The following TTC7A variants were observed in gnomAD, a reference collection of about 807,000 sequenced individuals.
The protein encoded by TTC7A is tetratricopeptide repeat domain 7A.
TTC7A carries 110 observed loss-of-function variants against 103.7 expected under a neutral mutation model. The observed-to-expected ratio is 1.06, with a 90% CI of 0.91 to 1.24. The LOEUF is 1.24. TTC7A is among the 50% of genes most tolerant of loss of function. The pLI, the probability that TTC7A is intolerant of heterozygous loss-of-function variation, is 0.00. For missense variants in TTC7A, 1,340 were observed against 1,116.3 expected (o/e 1.20, Z -2.86); for synonymous variants, 521 against 467.9 (o/e 1.11, Z -1.47).
At chr2:46,916,076 G>T, upstream of TTC7A, 1 of 985,522 alleles carries the variant, frequency 1.0e-6, no homozygotes, top group Non-Finnish European at 1.2e-6. Flanking sequence ...AAGCCCTCAG[G>T]AACGTAGTTC....
intron 3 of TTC7A, among the ~76,000 whole-genome samples, chr2:46,960,474 T>A (rs975399735): frequency 1.3e-5 from 2 of 152,184 alleles, no homozygotes; most frequent in African/African-American, 4.8e-5. Flanking sequence ...ATGTCTCTGA[T>A]GTATGTGCAT....
intron 3 of TTC7A, among the ~76,000 whole-genome samples, chr2:46,958,776 G>T (rs1288822336): frequency 6.6e-6 from 1 of 152,192 alleles, no homozygotes; most frequent in Non-Finnish European, 1.5e-5. Context: ...GCATGATGTT[G>T]ATCTGCCTGG....
At chr2:47,012,190 G>C (rs1414985215) in intron 11 of TTC7A, among the ~76,000 whole-genome samples, 1 of 152,226 alleles carries the variant, frequency 6.6e-6, no homozygotes, top group African/African-American at 2.4e-5. Context: ...CACGGCACTG[G>C]GCCCCAGCAA....
rs997844606 is a variant in TTC7A, at chr2:46,941,364, GTGCTGCTGCTGC to G, written c.-168_-157del. 1 of 381,138 alleles carries G rather than the reference GTGCTGCTGCTGC, an allele frequency of 2.6e-6. No individual in the cohort carries two copies. The highest frequency in any genetic ancestry group is 2.2e-5 in the African/African-American group (1 of 46,398). 23.6% of individuals were successfully genotyped at this position (381,138 alleles called of 1,614,324 possible). Reference sequence around the variant, plus strand: ...CCGGGCGGTGCGCTGGGAGCTGCTGGTGCTGCTGCTGCTGCTGCTGCCCACCCTCCGCCGCCC... The same window carrying G: ...CCGGGCGGTGCGCTGGGAGCTGCTGGTGCTGCTGCCCACCCTCCGCCGCCC... On this transcript the variant is annotated 5_prime_UTR_variant, in exon 1 of 20. Transcript: ENST00000319190. This position sits in a 1 kb window ranked among gnomAD's most constrained non-coding sequence, Gnocchi z 4.2.
At chr2:46,946,989 G>A (rs1671000829) in intron 1 of TTC7A, among the ~76,000 whole-genome samples, 1 of 152,282 alleles carries the variant, frequency 6.6e-6, no homozygotes, top group African/African-American at 2.4e-5. Context: ...AAAGCCTTCT[G>A]TGAAGGACCT....
chr2:47,073,843 G>A lies in TTC7A; in HGVS notation c.2497G>A (p.Val833Ile), dbSNP rs1195221566. The A allele has an allele frequency of 7.4e-6, 12 of 1,613,656 alleles. No homozygotes were observed. Among genetic ancestry groups the A allele is most frequent in the South Asian group, 3.3e-5 (3 of 91,078 alleles). ...LQAQGQNEAA[V>I]DCFLTALELE... Reference sequence around the variant, plus strand: ...GGCCCAGGGCCAGAACGAGGCTGCCGTTGACTGCTTCCTCACCGCCCTTGA... The same window carrying A: ...GGCCCAGGGCCAGAACGAGGCTGCCATTGACTGCTTCCTCACCGCCCTTGA... Residue 833 changes from valine (V) to isoleucine (I), a missense_variant, in exon 20 of 20, where the codon GTT becomes ATT. Physicochemically the swap from Val to Ile is conservative, Grantham distance 29. Transcript: ENST00000319190.
In TTC7A at chr2:47,055,649, GC is replaced by G. The variant is rs372183351; in HGVS notation, c.2152+3773del. Among the ~76,000 whole-genome samples the G allele has an allele frequency of 2.1e-3, 313 of 152,278 alleles. 1 individual carries two copies. Among genetic ancestry groups the G allele is most frequent in the African/African-American group, 7.2e-3 (301 of 41,556 alleles). On this transcript the variant is annotated intron_variant, in intron 18 of 19. Coordinates refer to ENST00000319190, the MANE Select transcript of TTC7A (RefSeq NM_020458.4). Reference sequence around the variant, plus strand: ...AGCAGGAGACGCATGTAGGGAGAGTGCCCCTACCCTGGAGGTCCAAGGGCTC... The same window carrying G: ...AGCAGGAGACGCATGTAGGGAGAGTGCCCTACCCTGGAGGTCCAAGGGCTC...
chr2:47,054,345 G>T (rs2104746730), intron 18 of TTC7A: 1 of 198,720 alleles, frequency 5.0e-6, no homozygotes, highest in Non-Finnish European at 9.0e-6. Context: ...GTCCAGGATG[G>T]CTCTCTGCCA....
chr2:46,919,190 A>G (rs1334515761), intron 2 of TTC7A, among the ~76,000 whole-genome samples: 3 of 152,390 alleles, frequency 2.0e-5, no homozygotes, highest in African/African-American at 4.8e-5. Flanking sequence ...TAAACTACAT[A>G]TTACTTATTT....
exon 2 of TTC7A, chr2:46,917,226 T>G (rs1405504647): frequency 8.6e-6 from 6 of 696,408 alleles, no homozygotes; most frequent in Non-Finnish European, 1.6e-5. Context: ...AACTCCTGGG[T>G]TCAAGCAATC....
chr2:46,970,912 C>T (rs1361211913), intron 3 of TTC7A, among the ~76,000 whole-genome samples: 1 of 152,258 alleles, frequency 6.6e-6, no homozygotes, highest in Admixed American at 6.5e-5. Flanking sequence ...GCCCGCTTTC[C>T]TCCAGGCCAA....
intron 16 of TTC7A, among the ~76,000 whole-genome samples, chr2:47,047,761 T>C (rs1371991476): frequency 1.3e-5 from 2 of 152,228 alleles, no homozygotes; most frequent in East Asian, 3.9e-4. Flanking sequence ...ATGCCTCCCT[T>C]GGAGCAGCAG....
chr2:46,969,175 C>G (rs1364882530), intron 3 of TTC7A, among the ~76,000 whole-genome samples: 1 of 150,110 alleles, frequency 6.7e-6, no homozygotes, highest in Non-Finnish European at 1.5e-5. Context: ...TTAAGTAATT[C>G]ATTTGTGTTA....
intron 1 of TTC7A, among the ~76,000 whole-genome samples, chr2:46,942,048 C>G (rs949891272): frequency 6.6e-6 from 1 of 152,192 alleles, no homozygotes; most frequent in African/African-American, 2.4e-5. Context: ...CCACCGCGGT[C>G]CGAGGGTGGG....
chr2:46,939,880 A>G (rs1278802590), upstream of TTC7A, among the ~76,000 whole-genome samples: 1 of 152,168 alleles, frequency 6.6e-6, no homozygotes, highest in Non-Finnish European at 1.5e-5. Context: ...AACTGTCTCT[A>G]AATTCCAACT....
intron 2 of TTC7A, chr2:46,951,697 C>G (rs1178211274): frequency 2.2e-6 from 1 of 455,764 alleles, no homozygotes; most frequent in South Asian, 1.6e-5. Context: ...AGGAGTGAGG[C>G]ACTGCGCCCA....
At chr2:46,995,645 A>G (rs1241813360) in intron 8 of TTC7A, among the ~76,000 whole-genome samples, 2 of 152,182 alleles carry the variant, frequency 1.3e-5, no homozygotes, top group African/African-American at 4.8e-5. Context: ...GGGGCACATC[A>G]CTTATTTTCT....
chr2:46,979,057 TCAGA>T (rs1471503370), intron 5 of TTC7A, 150 bp downstream of exon 5: 20 of 599,882 alleles, frequency 3.3e-5, no homozygotes, highest in Non-Finnish European at 5.3e-5. Flanking sequence ...TCACATCTTG[TCAGA>T]CAGGAGTGTG....
intron 4 of TTC7A, 73 bp from the exon 5 acceptor site, chr2:46,978,719 C>T (rs1039313353): frequency 1.0e-5 from 12 of 1,205,860 alleles, no homozygotes; most frequent in African/African-American, 4.5e-5. Flanking sequence ...GTGATGAGGC[C>T]ACCTCCTCTT....
Sources: allele counts gnomAD v4.1 joint callset (sites outside exome capture counted in the v4.1 genomes callset), GRCh38; gene constraint gnomAD v4.1.1; non-coding constraint Gnocchi (gnomAD v3.1); transcripts MANE v1.5; gene names NCBI Gene and HGNC (gene_info 2026-07-23, HGNC 2026-07-21).